Variants in FBRSL1 observed in about 807,000 individuals in gnomAD.
FBRSL1 encodes fibrosin like 1.
FBRSL1 carries 51 observed loss-of-function variants against 89.6 expected under a neutral mutation model. The ratio of observed to expected loss-of-function variants is 0.57; its 90% CI spans 0.45 to 0.72. The LOEUF is 0.72. Among genes scored for constraint, FBRSL1 ranks in the 30% least tolerant of loss-of-function variants. The pLI is 0.00. For missense variants in FBRSL1, 1,618 were observed against 1,451.8 expected (o/e 1.11, Z -1.86); for synonymous variants, 779 against 681.1 (o/e 1.14, Z -2.24).
At chr12:132,536,150 G>A (rs1442792615) in intron 4 of FBRSL1, among the ~76,000 whole-genome samples, 3 of 120,762 alleles carry the variant, frequency 2.5e-5, no homozygotes, top group Non-Finnish European at 5.0e-5. Context: ...GTGTGTGAGT[G>A]CACGTGTGCA....
At chr12:132,569,793 C>G (rs2039882252) in intron 6 of FBRSL1, 133 bp from the exon 7 acceptor site, 1 of 626,958 alleles carries the variant, frequency 1.6e-6, no homozygotes, top group Non-Finnish European at 2.4e-6. Flanking sequence ...TGCCTGCCTC[C>G]TCATCTGAAA....
intron 1 of FBRSL1, among the ~76,000 whole-genome samples, chr12:132,501,832 C>A (rs2033008347): frequency 6.6e-6 from 1 of 152,294 alleles, no homozygotes; most frequent in Non-Finnish European, 1.5e-5. Flanking sequence ...ACACCCAGGC[C>A]CGTGGCTCCT....
At chr12:132,565,753 C>G (rs1275637313) in intron 5 of FBRSL1, 1 of 152,272 alleles carries the variant, frequency 6.6e-6, no homozygotes, top group South Asian at 2.1e-4. Context: ...AGAGTGTCCC[C>G]CATCTCTCCA....
intron 4 of FBRSL1, among the ~76,000 whole-genome samples, chr12:132,531,005 G>A (rs960281014): frequency 6.8e-6 from 1 of 145,996 alleles, no homozygotes. Flanking sequence ...GGGGGGGGGG[G>A]TGCAGGTGAG....
At chr12:132,491,849 G>A (rs1279858112) in intron 1 of FBRSL1, among the ~76,000 whole-genome samples, 2 of 152,244 alleles carry the variant, frequency 1.3e-5, no homozygotes, top group Non-Finnish European at 2.9e-5. Flanking sequence ...GTGCCGCATC[G>A]TGTCCCGAGT....
chr12:132,504,111 G>A (rs1361051336), intron 1 of FBRSL1, among the ~76,000 whole-genome samples: 1 of 152,150 alleles, frequency 6.6e-6, no homozygotes, highest in African/African-American at 2.4e-5. Context: ...TGGGTAGGTG[G>A]TTCTCCAGAG....
chr12:132,510,304 T>C, intron 2 of FBRSL1: 2 of 1,230,352 alleles, frequency 1.6e-6, no homozygotes, highest in Non-Finnish European at 2.0e-6. Context: ...CGGCGGTCCC[T>C]ATTGGATCTG....
At chr12:132,572,243 GGTGTCGT>G in intron 9 of FBRSL1, 38 bp from the exon 10 acceptor site, 1 of 1,532,224 alleles carries the variant, frequency 6.5e-7, no homozygotes, top group Non-Finnish European at 8.8e-7. Flanking sequence ...GCCCAGCAAC[GGTGTCGT>G]GTGTGCGGGG....
chr12:132,544,798 G>A (rs1160101010), intron 4 of FBRSL1, among the ~76,000 whole-genome samples: 1 of 151,928 alleles, frequency 6.6e-6, no homozygotes, highest in Non-Finnish European at 1.5e-5. Context: ...GATGGTGATG[G>A]TGGCAATGGC....
intron 2 of FBRSL1, among the ~76,000 whole-genome samples, chr12:132,521,493 C>T (rs2035351823): frequency 6.6e-6 from 1 of 152,170 alleles, no homozygotes; most frequent in African/African-American, 2.4e-5. Context: ...TCAGGGTTCT[C>T]CAGGGTCTGC....
intron 14 of FBRSL1, 110 bp downstream of exon 14, chr12:132,574,674 T>G: frequency 2.2e-6 from 3 of 1,348,872 alleles, no homozygotes; most frequent in Non-Finnish European, 3.0e-6. Flanking sequence ...TGCACGGGTG[T>G]GATCCTCACG....
At chr12:132,495,719 G>T (rs1306870501) in intron 1 of FBRSL1, among the ~76,000 whole-genome samples, 2 of 152,238 alleles carry the variant, frequency 1.3e-5, no homozygotes, top group African/African-American at 4.8e-5. Context: ...TGTGGGCAAG[G>T]GCTGCTCCCT....
chr12:132,543,942 G>A (rs1002560620), intron 4 of FBRSL1, among the ~76,000 whole-genome samples: 29 of 152,162 alleles, frequency 1.9e-4, no homozygotes, highest in African/African-American at 6.5e-4. Flanking sequence ...CCTGACTCAC[G>A]CCTGGCCTCT....
rs1177883324 is a variant in FBRSL1, at chr12:132,518,567, TACCCATCTGGCCATCCATCC to T, written c.490-7157_490-7138del. On this transcript the variant is annotated intron_variant, in intron 2 of 18. Coordinates refer to ENST00000680143, the MANE Select transcript of FBRSL1 (RefSeq NM_001367871.1). ...CCATCCACTTGTGCATCCATCCATC[TACCCATCTGGCCATCCATCC>T]ACCCATCTGTCCATCCATCCACCCG... 3.2e-4 allele frequency among the ~76,000 whole-genome samples: 44 copies of T among 139,332 alleles called. No homozygotes were observed. The East Asian group carries it at 9.6e-3, about 30-fold the overall frequency. 91.4% of individuals were successfully genotyped at this position (139,332 alleles called of 152,430 possible). A position where few individuals can be genotyped will look rare whatever the true frequency, so the allele number is the denominator to read the frequency against.
intron 1 of FBRSL1, among the ~76,000 whole-genome samples, chr12:132,504,096 G>A (rs1289903995): frequency 2.0e-5 from 3 of 152,132 alleles, no homozygotes; most frequent in African/African-American, 7.2e-5. Context: ...AGGGAGGTGA[G>A]GTCTTGGGTA....
intron 2 of FBRSL1, chr12:132,510,680 A>G (rs2136632201): frequency 8.1e-7 from 1 of 1,227,184 alleles, no homozygotes; most frequent in East Asian, 3.2e-5. Flanking sequence ...CACACCAGGA[A>G]GAGAGATGAA....
intron 5 of FBRSL1, among the ~76,000 whole-genome samples, chr12:132,561,433 G>T (rs920013166): frequency 3.0e-5 from 4 of 133,886 alleles, no homozygotes; most frequent in Middle Eastern, 3.5e-3. Context: ...CCAGTGAAGG[G>T]GAGGGCAGCA....
chr12:132,579,467 G>A (rs753385091), intron 15 of FBRSL1, among the ~76,000 whole-genome samples: 1 of 152,186 alleles, frequency 6.6e-6, no homozygotes, highest in African/African-American at 2.4e-5. Flanking sequence ...ACAGAAGTGC[G>A]TATCTGTTTT....
At chr12:132,555,743 G>C (rs2178562) in intron 5 of FBRSL1, among the ~76,000 whole-genome samples, 87,706 of 151,948 alleles carry the variant, frequency 0.58, 26,020 homozygotes, top group Middle Eastern at 0.7. Flanking sequence ...GGCCCCTCCT[G>C]TGTGTGTGTC....
Sources: allele counts gnomAD v4.1 joint callset (sites outside exome capture counted in the v4.1 genomes callset), GRCh38; gene constraint gnomAD v4.1.1; transcripts MANE v1.5; gene names NCBI Gene and HGNC (gene_info 2026-07-23, HGNC 2026-07-21).